The following TSPAN14 variants were observed in gnomAD, a reference collection of about 807,000 sequenced individuals.
The protein encoded by TSPAN14 is tetraspanin-14.
Under a neutral mutation model 36.6 loss-of-function variants are expected in TSPAN14, and 16 were observed. That is an observed-to-expected ratio of 0.44 (90% CI 0.30 to 0.66). The LOEUF is 0.66. TSPAN14 is among the 30% of genes least tolerant of loss of function. TSPAN14 has a pLI of 0.12. For missense variants in TSPAN14, 231 were observed against 355.1 expected (o/e 0.65, Z 2.81); for synonymous variants, 139 against 143.8 (o/e 0.97, Z 0.24).
At chr10:80,490,730 C>T (rs532943857) in intron 2 of TSPAN14, among the ~76,000 whole-genome samples, 1 of 152,090 alleles carries the variant, frequency 6.6e-6, no homozygotes, top group South Asian at 2.1e-4. Flanking sequence ...GGATGCTTGC[C>T]TTAAAGAGGA....
chr10:80,457,259 C>G (rs992940690), intron 1 of TSPAN14, among the ~76,000 whole-genome samples: 7 of 151,594 alleles, frequency 4.6e-5, no homozygotes, highest in African/African-American at 1.7e-4. Context: ...GATCTCGGCT[C>G]ACTGCAACCT....
intron 1 of TSPAN14, among the ~76,000 whole-genome samples, chr10:80,487,148 G>T (rs1232290069): frequency 6.6e-6 from 1 of 152,190 alleles, no homozygotes; most frequent in Non-Finnish European, 1.5e-5. Flanking sequence ...TATAGCTACC[G>T]TTAGGTTAGT....
At chr10:80,461,675 GA>G (rs1278846270) in intron 1 of TSPAN14, among the ~76,000 whole-genome samples, 1 of 152,128 alleles carries the variant, frequency 6.6e-6, no homozygotes, top group African/African-American at 2.4e-5. Context: ...TGGCATGACT[GA>G]TGAGGTGGCA....
At chr10:80,460,748 TC>T (rs1282188956) in intron 1 of TSPAN14, among the ~76,000 whole-genome samples, 1 of 152,170 alleles carries the variant, frequency 6.6e-6, no homozygotes, top group Admixed American at 6.5e-5. Flanking sequence ...ACCCAGGAAA[TC>T]GCATGGACCT....
chr10:80,493,834 G>A (rs1368327256), intron 2 of TSPAN14, among the ~76,000 whole-genome samples: 2 of 152,198 alleles, frequency 1.3e-5, no homozygotes, highest in Non-Finnish European at 2.9e-5. Context: ...GGCGTACACT[G>A]GAGGAGTGGC....
chr10:80,503,755 A>G (rs1840121788), intron 2 of TSPAN14, among the ~76,000 whole-genome samples: 2 of 152,064 alleles, frequency 1.3e-5, no homozygotes, highest in African/African-American at 2.4e-5. Flanking sequence ...GTTACTGAGT[A>G]AAATAGGTAG....
At chr10:80,504,501 T>C (rs999320940) in intron 2 of TSPAN14, among the ~76,000 whole-genome samples, 2 of 152,230 alleles carry the variant, frequency 1.3e-5, no homozygotes, top group Non-Finnish European at 2.9e-5. Context: ...CTGAGATCTT[T>C]TCCTCTTCCT....
intron 1 of TSPAN14, among the ~76,000 whole-genome samples, chr10:80,458,546 A>G (rs1473461649): frequency 6.6e-6 from 1 of 152,080 alleles, no homozygotes; most frequent in Non-Finnish European, 1.5e-5. Context: ...TTTTTCTGCC[A>G]GTGGATTGAG....
At chr10:80,464,793 G>A (rs1846154275) in intron 1 of TSPAN14, among the ~76,000 whole-genome samples, 1 of 152,152 alleles carries the variant, frequency 6.6e-6, no homozygotes, top group Non-Finnish European at 1.5e-5. Context: ...CGGGACCTGG[G>A]GCCTCACAGT....
chr10:80,516,775 C>T (rs912063383), intron 8 of TSPAN14, among the ~76,000 whole-genome samples: 1 of 152,238 alleles, frequency 6.6e-6, no homozygotes, highest in Non-Finnish European at 1.5e-5. Flanking sequence ...CAGGACCTCT[C>T]CTCCTGTCTC....
At chr10:80,490,684 A>G (rs1749630917) in intron 2 of TSPAN14, among the ~76,000 whole-genome samples, 2 of 152,140 alleles carry the variant, frequency 1.3e-5, no homozygotes, top group South Asian at 4.1e-4. Flanking sequence ...TGAGAAGTAA[A>G]GAAGTGAAGG....
intron 1 of TSPAN14, among the ~76,000 whole-genome samples, chr10:80,472,309 T>G (rs1846597473): frequency 6.6e-6 from 1 of 152,218 alleles, no homozygotes; most frequent in Admixed American, 6.5e-5. Context: ...CATGGTTAGC[T>G]GCAAGTTTTG....
chr10:80,473,482 G>A (rs918609689), intron 1 of TSPAN14, among the ~76,000 whole-genome samples: 3 of 152,098 alleles, frequency 2.0e-5, no homozygotes, highest in Non-Finnish European at 2.9e-5. Flanking sequence ...GCATGTGGAG[G>A]CCATCCAGGG....
Position 80,456,049 on chromosome 10 carries a change from C to A in TSPAN14, c.-18+1678C>A, listed in dbSNP as rs1235405456. Among the ~76,000 whole-genome samples the A allele has an allele frequency of 2.0e-5, 3 of 152,132 alleles. No individual in the cohort carries two copies. The East Asian group carries it at 5.8e-4, about 29-fold the overall frequency. On this transcript the variant is annotated intron_variant, in intron 1 of 8. Coordinates refer to ENST00000429989, the Ensembl canonical transcript of TSPAN14. The stretch of plus-strand genomic sequence containing the variant: ...CACTGCTTGGGCCACCTAATGTCAT[C>A]CTCAGTTTAGTTAACAAAGCATGGT...
chr10:80,458,662 C>G (rs1564705943), intron 1 of TSPAN14, among the ~76,000 whole-genome samples: 1 of 152,194 alleles, frequency 6.6e-6, no homozygotes, highest in Non-Finnish European at 1.5e-5. Context: ...AGGTGAATGC[C>G]AGCGTTTCAG....
intron 4 of TSPAN14, among the ~76,000 whole-genome samples, chr10:80,508,051 T>TAA (rs1434988849): frequency 2.0e-5 from 3 of 152,122 alleles, no homozygotes; most frequent in African/African-American, 7.2e-5. Flanking sequence ...ATCTTGCTTT[T>TAA]ATATGAACAG....
At chr10:80,482,469 G>A (rs1847333803) in intron 1 of TSPAN14, among the ~76,000 whole-genome samples, 1 of 150,384 alleles carries the variant, frequency 6.6e-6, no homozygotes, top group South Asian at 2.1e-4. Context: ...TGTATTTTTA[G>A]TAGAGACGGG....
chr10:80,499,154 C>G (rs529150168), intron 2 of TSPAN14, among the ~76,000 whole-genome samples: 2 of 152,306 alleles, frequency 1.3e-5, no homozygotes, highest in African/African-American at 4.8e-5. Flanking sequence ...TGCCTTTGAC[C>G]TGCTTGGAGC....
chr10:80,466,023 C>A (rs763399454), intron 1 of TSPAN14, among the ~76,000 whole-genome samples: 11 of 152,312 alleles, frequency 7.2e-5, no homozygotes, highest in Admixed American at 2.0e-4. Context: ...CCCGCCCCAA[C>A]CCATACTGTC....
Sources: allele counts gnomAD v4.1 joint callset (sites outside exome capture counted in the v4.1 genomes callset), GRCh38; gene constraint gnomAD v4.1.1; transcripts MANE v1.5; gene names NCBI Gene and HGNC (gene_info 2026-07-23, HGNC 2026-07-21).